The following CDIN1 variants were observed in gnomAD, a reference collection of about 807,000 sequenced individuals.
CDIN1 encodes the protein CDAN1-interacting nuclease 1.
In CDIN1, 33 loss-of-function variants were observed where a neutral mutation model predicts 45.3. That is an observed-to-expected ratio of 0.73 (90% confidence interval 0.55 to 0.97). The LOEUF (loss-of-function observed/expected upper bound fraction) is 0.97. Among genes scored for constraint, CDIN1 ranks in the 50% least tolerant of loss-of-function variants. The pLI, the probability that CDIN1 is intolerant of heterozygous loss-of-function variation, is 0.00. For synonymous variants in CDIN1, 118 were observed against 124.4 expected (o/e 0.95, Z 0.34); for missense variants, 303 against 339.4 (o/e 0.89, Z 0.84).
intron 1 of CDIN1, among the ~76,000 whole-genome samples, chr15:36,601,503 C>T (rs971494576): frequency 2.6e-5 from 4 of 152,216 alleles, no homozygotes; most frequent in East Asian, 3.9e-4. Context: ...ATTATTAAAC[C>T]TCATGAACTT....
rs374064219 is a variant in CDIN1, at chr15:36,615,703, C to T, written c.102-28575C>T. Among the ~76,000 whole-genome samples, 26 of 152,284 alleles carry T rather than the reference C, an allele frequency of 1.7e-4. No individual in the cohort carries two copies. The East Asian group carries it at 3.9e-3, about 23-fold the overall frequency. On this transcript the variant is annotated intron_variant, in intron 1 of 10. Coordinates refer to ENST00000566621, the MANE Select transcript of CDIN1 (RefSeq NM_001321759.2). ...GCCCCTGAAACAGCAGTGCGAGTCCCGCAACAACCAATGAAAGATTATTCT... is the reference window on the plus strand; with the variant it reads ...GCCCCTGAAACAGCAGTGCGAGTCCTGCAACAACCAATGAAAGATTATTCT...
At chr15:36,796,478 T>A (rs1200648414) in intron 10 of CDIN1, among the ~76,000 whole-genome samples, 1 of 152,128 alleles carries the variant, frequency 6.6e-6, no homozygotes, top group East Asian at 1.9e-4. Flanking sequence ...GCAGAATGAT[T>A]CACAAAACCT....
At chr15:36,668,951 G>C (rs1595447140) in intron 5 of CDIN1, 2 of 152,158 alleles carry the variant, frequency 1.3e-5, no homozygotes, top group South Asian at 4.2e-4. Context: ...ATAGTAATAG[G>C]CAGTAATATT....
At chr15:36,789,950 ATGCTTGG>A (rs1315716255) in intron 10 of CDIN1, among the ~76,000 whole-genome samples, 1 of 152,210 alleles carries the variant, frequency 6.6e-6, no homozygotes, top group African/African-American at 2.4e-5. Flanking sequence ...AGTAAAACTA[ATGCTTGG>A]TCCATAAATA....
chr15:36,656,827 C>A (rs1013476846), intron 4 of CDIN1, among the ~76,000 whole-genome samples: 1 of 152,058 alleles, frequency 6.6e-6, no homozygotes, highest in Non-Finnish European at 1.5e-5. Context: ...ATGAAGCCAG[C>A]CTTTTTGTCT....
intron 8 of CDIN1, chr15:36,707,937 A>G (rs2042927843): frequency 6.6e-6 from 1 of 152,078 alleles, no homozygotes; most frequent in Non-Finnish European, 1.5e-5. Context: ...TTTATATTTC[A>G]AGGAGGGGAG....
chr15:36,672,450 C>T (rs1413384432), intron 5 of CDIN1, among the ~76,000 whole-genome samples: 1 of 151,956 alleles, frequency 6.6e-6, no homozygotes, highest in Non-Finnish European at 1.5e-5. Flanking sequence ...TCCCTGTCCT[C>T]CAGGAGCTTG....
chr15:36,626,647 AC>A, intron 1 of CDIN1: 1 of 350,234 alleles, frequency 2.9e-6, no homozygotes, highest in South Asian at 2.4e-5. Flanking sequence ...CTTTTGGGCA[AC>A]AAAGCCATTT....
At chr15:36,599,022 G>A (rs1176976437) in intron 1 of CDIN1, among the ~76,000 whole-genome samples, 1 of 151,692 alleles carries the variant, frequency 6.6e-6, no homozygotes, top group Non-Finnish European at 1.5e-5. Flanking sequence ...TATGCATTCA[G>A]TGAATTCTTG....
chr15:36,648,374 A>G (rs781704353), intron 3 of CDIN1, among the ~76,000 whole-genome samples: 2 of 151,246 alleles, frequency 1.3e-5, no homozygotes, highest in South Asian at 4.2e-4. Flanking sequence ...ATATGAAAGT[A>G]TCATAATTTA....
At chr15:36,613,577 G>C (rs2038748893) in intron 1 of CDIN1, 5 of 1,484,888 alleles carry the variant, frequency 3.4e-6, no homozygotes, top group Non-Finnish European at 4.7e-6. Context: ...GCAAGAAGTT[G>C]AGGGAGAAAG....
chr15:36,765,703 T>C lies in CDIN1; in HGVS notation c.717-42621T>C, dbSNP rs1295097058. On this transcript the variant is annotated intron_variant, in intron 10 of 10. Coordinates refer to ENST00000566621, the MANE Select transcript of CDIN1 (RefSeq NM_001321759.2). ...AAATTATGGGATTTGAAAATGGATC[T>C]ACATTTTTAACAGCCTTGTTGAGAT... Among the ~76,000 whole-genome samples, 3 of 152,236 alleles carry C rather than the reference T, an allele frequency of 2.0e-5. No individual in the cohort carries two copies. In the East Asian group the frequency reaches 5.8e-4, roughly 29 times the overall value.
intron 1 of CDIN1, among the ~76,000 whole-genome samples, chr15:36,628,721 GGA>G (rs1363655479): frequency 6.6e-6 from 1 of 152,148 alleles, no homozygotes; most frequent in Non-Finnish European, 1.5e-5. Flanking sequence ...GCCAGAGGGT[GGA>G]TGGTGGTGGC....
At chr15:36,628,267 C>G (rs2039533262) in intron 1 of CDIN1, among the ~76,000 whole-genome samples, 1 of 152,138 alleles carries the variant, frequency 6.6e-6, no homozygotes, top group South Asian at 2.1e-4. Context: ...TTCTGTCGCT[C>G]TATTTTTCCT....
chr15:36,733,094 T>C (rs776145658), intron 10 of CDIN1, among the ~76,000 whole-genome samples: 2 of 152,208 alleles, frequency 1.3e-5, no homozygotes, highest in Non-Finnish European at 2.9e-5. Flanking sequence ...TGATTGTTGA[T>C]GTATAACTTC....
chr15:36,808,846 T>TC lies in CDIN1; in HGVS notation c.*396dup. ...ACCGAATCACCCTCTTATTTTTTTT[T>TC]CCCTAAGCCTCCGTTCACTGTCTCT... is the stretch of plus-strand genomic sequence containing the variant. On this transcript the variant is annotated 3_prime_UTR_variant, in exon 11 of 11. Transcript: ENST00000566621. 2.2e-6 allele frequency: 1 copy of TC among 454,570 alleles called. No individual in the cohort carries two copies. The highest frequency in any genetic ancestry group is 4.4e-6 in the Non-Finnish European group (1 of 226,734). The allele number at this position is 454,570 out of a possible 1,614,324, so 28.2% of individuals were successfully genotyped here. A position where few individuals can be genotyped will look rare whatever the true frequency, so the allele number is the denominator to read the frequency against.
intron 10 of CDIN1, among the ~76,000 whole-genome samples, chr15:36,800,905 G>A (rs372648043): frequency 0.07 from 1,470 of 20,944 alleles, 11 homozygotes; most frequent in South Asian, 0.096. Flanking sequence ...GTGTGTGTGT[G>A]TGTGTATATA....
chr15:36,623,934 C>T (rs1427024369), intron 1 of CDIN1, among the ~76,000 whole-genome samples: 1 of 152,152 alleles, frequency 6.6e-6, no homozygotes, highest in Non-Finnish European at 1.5e-5. Flanking sequence ...GAAGATACTT[C>T]ACTTTTCTCC....
At chr15:36,786,379 CTG>C (rs2054491261) in intron 10 of CDIN1, among the ~76,000 whole-genome samples, 1 of 152,174 alleles carries the variant, frequency 6.6e-6, no homozygotes, top group South Asian at 2.1e-4. Context: ...ATTTCTGAAA[CTG>C]TGCTAAATGT....
Sources: gnomAD v4.1 joint callset for allele counts (sites outside exome capture counted in the v4.1 genomes callset) on GRCh38, gnomAD v4.1.1 for gene constraint, MANE v1.5 for transcripts, NCBI Gene and HGNC (gene_info 2026-07-23, HGNC 2026-07-21) for gene names.